Variants in CNTN5 observed in about 807,000 individuals in gnomAD.
The protein encoded by CNTN5 is contactin 5, also known as contactin-5.
In CNTN5, 77 loss-of-function variants were observed where a neutral mutation model predicts 129.1. The observed-to-expected ratio is 0.60, with a 90% CI of 0.50 to 0.72. The LOEUF is 0.72. Ranked by LOEUF, CNTN5 falls within the 30% of genes least tolerant of loss-of-function variation. CNTN5 has a pLI of 0.00. For synonymous variants in CNTN5, 509 were observed against 465.6 expected (o/e 1.09, Z -1.20); for missense variants, 1,478 against 1,328.8 (o/e 1.11, Z -1.75).
intron 8 of CNTN5, among the ~76,000 whole-genome samples, chr11:99,997,802 C>G (rs577809029): frequency 4.6e-5 from 7 of 152,084 alleles, no homozygotes; most frequent in Non-Finnish European, 1.0e-4. Flanking sequence ...AAAAGCTTAT[C>G]CACCATGATC....
chr11:99,240,619 C>T (rs1200515247), intron 1 of CNTN5, among the ~76,000 whole-genome samples: 2 of 150,128 alleles, frequency 1.3e-5, no homozygotes, highest in African/African-American at 5.1e-5. Flanking sequence ...TTTCTGGGGT[C>T]TTGCAACTTT....
At chr11:100,007,241 T>C (rs963730357) in intron 9 of CNTN5, among the ~76,000 whole-genome samples, 1 of 152,056 alleles carries the variant, frequency 6.6e-6, no homozygotes. Flanking sequence ...ATTTTCAAAT[T>C]GGTAAATGAG....
intron 3 of CNTN5, among the ~76,000 whole-genome samples, chr11:99,644,692 A>T (rs1951886549): frequency 6.6e-6 from 1 of 152,202 alleles, no homozygotes; most frequent in Non-Finnish European, 1.5e-5. Context: ...ATTATATTAA[A>T]TATTTACTAA....
intron 1 of CNTN5, among the ~76,000 whole-genome samples, chr11:99,147,782 T>C (rs561445133): frequency 2.6e-5 from 4 of 152,292 alleles, no homozygotes; most frequent in Non-Finnish European, 2.9e-5. Context: ...ATAAACTGTA[T>C]TGATTAAAAA....
At chr11:100,102,843 A>G (rs968021901) in intron 13 of CNTN5, among the ~76,000 whole-genome samples, 3 of 152,146 alleles carry the variant, frequency 2.0e-5, no homozygotes, top group Non-Finnish European at 4.4e-5. Context: ...GAACATTAGC[A>G]CTAGGCTTAA....
chr11:99,589,488 A>C (rs1460437655), intron 3 of CNTN5, among the ~76,000 whole-genome samples: 1 of 152,216 alleles, frequency 6.6e-6, no homozygotes, highest in African/African-American at 2.4e-5. Flanking sequence ...TTAGAATATG[A>C]AAACAGTAAT....
chr11:100,320,844 T>C (rs1000292798), intron 21 of CNTN5, among the ~76,000 whole-genome samples: 1 of 152,168 alleles, frequency 6.6e-6, no homozygotes, highest in East Asian at 1.9e-4. Context: ...TCTTGGCACC[T>C]TTGTCAAAAA....
At chr11:99,271,963 G>A (rs1228730179) in intron 1 of CNTN5, among the ~76,000 whole-genome samples, 3 of 151,930 alleles carry the variant, frequency 2.0e-5, no homozygotes, top group South Asian at 2.1e-4. Context: ...ACAATCAAAT[G>A]TAGGGGAATT....
At chr11:100,073,167 G>A (rs779525711) in intron 12 of CNTN5, among the ~76,000 whole-genome samples, 15 of 151,740 alleles carry the variant, frequency 9.9e-5, no homozygotes, top group South Asian at 4.1e-4. Flanking sequence ...TTGCCTCAGC[G>A]TCCCAAGTAG....
intron 7 of CNTN5, among the ~76,000 whole-genome samples, chr11:99,923,753 G>GTCTATCTA (rs1353477282): frequency 0.066 from 7,627 of 115,768 alleles, 212 homozygotes; most frequent in Admixed American, 0.076. Flanking sequence ...TAATCTATCT[G>GTCTATCTA]TCTGTCTATC....
At chr11:99,365,388 A>G (rs921623558) in intron 2 of CNTN5, among the ~76,000 whole-genome samples, 1 of 152,210 alleles carries the variant, frequency 6.6e-6, no homozygotes, top group East Asian at 1.9e-4. Context: ...AGAAAGTGGT[A>G]TAGCACAAGC....
chr11:100,102,452 T>C (rs2138067129), intron 13 of CNTN5, among the ~76,000 whole-genome samples: 1 of 152,076 alleles, frequency 6.6e-6, no homozygotes, highest in Admixed American at 6.6e-5. Context: ...CTCCACATTT[T>C]AGAGAAGTAT....
At chr11:99,936,529 A>G (rs778730357) in intron 7 of CNTN5, among the ~76,000 whole-genome samples, 2 of 152,156 alleles carry the variant, frequency 1.3e-5, no homozygotes, top group Non-Finnish European at 2.9e-5. Flanking sequence ...AGAAATCCAG[A>G]CTATCCTATA....
intron 21 of CNTN5, among the ~76,000 whole-genome samples, chr11:100,314,764 T>A (rs1951544724): frequency 1.3e-5 from 2 of 152,150 alleles, no homozygotes. Flanking sequence ...CAAGTTGCTA[T>A]CATTAGGCTC....
chr11:99,224,512 A>T (rs966054282), intron 1 of CNTN5, among the ~76,000 whole-genome samples: 1 of 152,082 alleles, frequency 6.6e-6, no homozygotes, highest in Non-Finnish European at 1.5e-5. Context: ...TTGCTTCAAG[A>T]TGGTATCTGT....
At chr11:100,160,833 C>T (rs376491169) in intron 13 of CNTN5, among the ~76,000 whole-genome samples, 1 of 151,864 alleles carries the variant, frequency 6.6e-6, no homozygotes, top group South Asian at 2.1e-4. Flanking sequence ...ACACTATCTG[C>T]AGTGCCACTA....
At chr11:99,032,728 T>G (rs1261176262) in intron 1 of CNTN5, among the ~76,000 whole-genome samples, 1 of 149,770 alleles carries the variant, frequency 6.7e-6, no homozygotes, top group Non-Finnish European at 1.5e-5. Flanking sequence ...GCCTGTTCAC[T>G]CTGATGGTAG....
chr11:99,138,662 T>G (rs2135455147), intron 1 of CNTN5, among the ~76,000 whole-genome samples: 1 of 152,300 alleles, frequency 6.6e-6, no homozygotes, highest in East Asian at 1.9e-4. Flanking sequence ...TCAAAGAAAC[T>G]ATATCTCTTT....
intron 1 of CNTN5, among the ~76,000 whole-genome samples, chr11:99,074,187 T>C (rs1261128120): frequency 2.0e-5 from 3 of 152,222 alleles, no homozygotes; most frequent in African/African-American, 7.2e-5. Context: ...TTTTGAGAAG[T>C]GTCTGTTCAT....
Sources: allele counts gnomAD v4.1 joint callset (sites outside exome capture counted in the v4.1 genomes callset), GRCh38; gene constraint gnomAD v4.1.1; transcripts MANE v1.5; gene names NCBI Gene and HGNC (gene_info 2026-07-23, HGNC 2026-07-21).